LYZL1: variants seen among roughly 807,000 people sequenced by gnomAD.
LYZL1 encodes the protein lysozyme like 1.
Under a neutral mutation model 17.9 loss-of-function variants are expected in LYZL1, and 16 were observed. The ratio of observed to expected loss-of-function variants is 0.90; its 90% CI spans 0.61 to 1.36. The LOEUF (loss-of-function observed/expected upper bound fraction) is 1.36. LYZL1 is among the 40% of genes most tolerant of loss of function. LYZL1 has a pLI of 0.00. For missense variants in LYZL1, 149 were observed against 188.4 expected, an observed-to-expected ratio of 0.79 and a Z score of 1.22; for synonymous variants, 58 against 71.8, an observed-to-expected ratio of 0.81 and a Z score of 0.97.
chr10:29,299,757 G>A (rs1835492955), intron 3 of LYZL1, among the ~76,000 whole-genome samples: 1 of 152,168 alleles, frequency 6.6e-6, no homozygotes, highest in Non-Finnish European at 1.5e-5. Context: ...TTTCTTTGGG[G>A]AAGTCTTTGC....
downstream of LYZL1, among the ~76,000 whole-genome samples, chr10:29,312,140 AT>A (rs903426939): frequency 1.3e-5 from 2 of 151,960 alleles, no homozygotes; most frequent in Admixed American, 6.6e-5. Context: ...TCTCTACAGC[AT>A]TTTTTTTGTT....
intron 3 of LYZL1, among the ~76,000 whole-genome samples, chr10:29,303,877 C>T (rs1273453432): frequency 2.0e-5 from 3 of 152,190 alleles, no homozygotes; most frequent in Non-Finnish European, 2.9e-5. Flanking sequence ...TTACAAGGTA[C>T]GTGACGTTAT....
chr10:29,316,791 A>T (rs1835738608), intron 3 of LYZL1, among the ~76,000 whole-genome samples: 1 of 144,660 alleles, frequency 6.9e-6, no homozygotes, highest in African/African-American at 2.6e-5. Context: ...ATCTTGGCTC[A>T]CTGCAGCCTC....
intron 3 of LYZL1, among the ~76,000 whole-genome samples, chr10:29,297,355 C>T (rs74843891): frequency 6.6e-6 from 1 of 152,088 alleles, no homozygotes; most frequent in Non-Finnish European, 1.5e-5. Flanking sequence ...ATTTCCAGAA[C>T]TAAAGAGCAT....
rs1331389665 is a variant in LYZL1, at chr10:29,310,971, G to A, written c.378-19G>A. On this transcript the variant is annotated intron_variant, in intron 4 of 4. Transcript: ENST00000649382. ...TGTCACGCTTCTTTCTGCTGCTCCT[G>A]CTTCCCTCTCATCCTCAGGCAAGGC... The A allele has an allele frequency of 6.2e-7, 1 of 1,614,166 alleles. No individual in the cohort carries two copies. The highest frequency in any genetic ancestry group is 1.1e-5 in the South Asian group (1 of 91,076).
At chr10:29,314,290 A>G (rs961936419), downstream of LYZL1, among the ~76,000 whole-genome samples, 1 of 152,136 alleles carries the variant, frequency 6.6e-6, no homozygotes, top group African/African-American at 2.4e-5. Flanking sequence ...TGAGGCCTGG[A>G]CCATGTCCTT....
intron 1 of LYZL1, 151 bp from the exon 2 acceptor site, chr10:29,291,692 T>C (rs922610931): frequency 8.6e-6 from 9 of 1,051,026 alleles, no homozygotes; most frequent in Non-Finnish European, 1.2e-5. Context: ...CTTCCTTCCC[T>C]GGACCGTAGA....
intron 3 of LYZL1, among the ~76,000 whole-genome samples, chr10:29,303,163 C>T (rs899858918): frequency 6.6e-6 from 1 of 152,206 alleles, no homozygotes; most frequent in African/African-American, 2.4e-5. Context: ...CAGTCAAAGA[C>T]TGGGTGGAAT....
Position 29,289,224 on chromosome 10 carries a change from C to T in LYZL1, c.-32C>T, listed in dbSNP as rs1178606987. 1 of 1,504,876 alleles carries T rather than the reference C, an allele frequency of 6.6e-7. No homozygotes were observed. Among genetic ancestry groups the T allele is most frequent in the Non-Finnish European group, 8.9e-7 (1 of 1,128,416 alleles). 93.2% of individuals were successfully genotyped at this position (1,504,876 alleles called of 1,614,324 possible). A position where few individuals can be genotyped will look rare whatever the true frequency, so the allele number is the denominator to read the frequency against. On this transcript the variant is annotated 5_prime_UTR_variant, in exon 1 of 5. Coordinates refer to ENST00000649382, the MANE Select transcript of LYZL1 (RefSeq NM_032517.6). ...TCTGGGGCAGGCACCAGGAATCTGC[C>T]TTTTCAGTAAGACCTAAATTACTCT...
At position 29,310,138 on chromosome 10, in the gene LYZL1, A is replaced by G; in HGVS notation, c.327A>G (p.Ala109=). 1.2e-6 allele frequency: 2 copies of G among 1,612,240 alleles called. No individual in the cohort carries two copies. The highest frequency in any genetic ancestry group is 1.7e-6 in the Non-Finnish European group (2 of 1,178,386). The change falls in exon 4 of 5, where the codon GCA becomes GCG. Residue 109 remains alanine, a synonymous_variant. Transcript: ENST00000649382. ...TGATCACTGATGACCTCACAGATGC[A>G]ATTATCTGTGCCAGGAAAATTGTTA... is the stretch of plus-strand genomic sequence containing the variant. ...SALITDDLTD[A]IICARKIVKE... is the part of the protein sequence containing the mutation.
At position 29,310,970 on chromosome 10, in the gene LYZL1, T is replaced by C; in HGVS notation, c.378-20T>C. ...TTGTCACGCTTCTTTCTGCTGCTCC[T>C]GCTTCCCTCTCATCCTCAGGCAAGG... is the stretch of plus-strand genomic sequence containing the variant. On this transcript the variant is annotated intron_variant, in intron 4 of 4. Transcript: ENST00000649382. The C allele has an allele frequency of 6.2e-7, 1 of 1,614,212 alleles. No homozygotes were observed.
At chr10:29,315,965 C>A (rs924824954), downstream of LYZL1, among the ~76,000 whole-genome samples, 8 of 152,222 alleles carry the variant, frequency 5.3e-5, no homozygotes, top group South Asian at 2.1e-4. Context: ...GCTTCCTCTG[C>A]AGTGCTTCTG....
At chr10:29,315,612 C>T (rs1835721102), downstream of LYZL1, among the ~76,000 whole-genome samples, 1 of 152,058 alleles carries the variant, frequency 6.6e-6, no homozygotes, top group African/African-American at 2.4e-5. Context: ...TAACACTTTG[C>T]CGAGGTGGGA....
intron 3 of LYZL1, among the ~76,000 whole-genome samples, chr10:29,303,486 C>T (rs866399656): frequency 6.6e-6 from 1 of 152,068 alleles, no homozygotes; most frequent in Non-Finnish European, 1.5e-5. Context: ...TCTGTGACTC[C>T]ATCGTGGTCA....
At chr10:29,305,905 C>T (rs1835582266) in intron 3 of LYZL1, among the ~76,000 whole-genome samples, 1 of 152,190 alleles carries the variant, frequency 6.6e-6, no homozygotes, top group Non-Finnish European at 1.5e-5. Flanking sequence ...AGGGAAAATT[C>T]CACTTCCAAC....
At chr10:29,310,897 G>T in intron 4 of LYZL1, 93 bp from the exon 5 acceptor site, 1 of 1,596,980 alleles carries the variant, frequency 6.3e-7, no homozygotes, top group Middle Eastern at 1.7e-4. Flanking sequence ...GGGTTCCGCT[G>T]GCGATTTTGG....
rs140604656 is a variant in LYZL1 at position 29,316,469 on chromosome 10, GCA to G, written c.*-838_*-837del. 2.8e-3 allele frequency among the ~76,000 whole-genome samples: 426 copies of G among 152,290 alleles called. 2 individuals carry two copies. Among genetic ancestry groups the G allele is most frequent in the African/African-American group, 9.8e-3 (408 of 41,544 alleles). ...CTTTCTTTACACCAGGCTGCAGTTT[GCA>G]CAGTTTTTACCACTGGGGCCTCCTC... On this transcript the variant is annotated intron_variant and NMD_transcript_variant, in intron 3 of 4. Transcript: ENST00000494304.
At chr10:29,318,279 C>A in exon 5 of LYZL1, 1 of 707,488 alleles carries the variant, frequency 1.4e-6, no homozygotes, top group Non-Finnish European at 1.7e-6. Context: ...GAAATCTATA[C>A]TTGCCTTGAG....
chr10:29,299,897 AG>A (rs762044436), intron 3 of LYZL1, among the ~76,000 whole-genome samples: 45 of 152,224 alleles, frequency 3.0e-4, no homozygotes, highest in Non-Finnish European at 5.9e-4. Flanking sequence ...GCTTTTCAGT[AG>A]GAGTGATTAA....
Sources: allele counts gnomAD v4.1 joint callset (sites outside exome capture counted in the v4.1 genomes callset), GRCh38; gene constraint gnomAD v4.1.1; transcripts MANE v1.5; gene names NCBI Gene and HGNC (gene_info 2026-07-23, HGNC 2026-07-21).